ATXN7L1: variants seen among roughly 807,000 people sequenced by gnomAD.
ATXN7L1 encodes ataxin-7-like protein 1.
ATXN7L1 carries 15 observed loss-of-function variants against 70.8 expected under a neutral mutation model. The ratio of observed to expected loss-of-function variants is 0.21; its 90% confidence interval spans 0.14 to 0.33. ATXN7L1 has a LOEUF of 0.33. ATXN7L1 is among the 10% of genes least tolerant of loss of function. ATXN7L1 has a pLI of 1.00. For synonymous variants in ATXN7L1, 440 were observed against 445.1 expected (o/e 0.99, Z 0.14); for missense variants, 975 against 1,097.1 (o/e 0.89, Z 1.57).
chr7:105,639,403 T>C (rs796590558), intron 6 of ATXN7L1, 84 bp downstream of exon 6: 29 of 1,084,896 alleles, frequency 2.7e-5, no homozygotes, highest in African/African-American at 7.9e-5. Flanking sequence ...TTCCACACCC[T>C]GCCGTGTGCA....
chr7:105,765,714 T>A (rs972926509), intron 3 of ATXN7L1, among the ~76,000 whole-genome samples: 2 of 152,222 alleles, frequency 1.3e-5, no homozygotes, highest in Non-Finnish European at 2.9e-5. Flanking sequence ...ATGCTAGATT[T>A]CTCCTTCAAT....
At chr7:105,875,633 C>CCCT (rs1554490238) in intron 2 of ATXN7L1, among the ~76,000 whole-genome samples, 179 bp downstream of exon 2, 1 of 124,384 alleles carries the variant, frequency 8.0e-6, no homozygotes, top group Non-Finnish European at 1.7e-5. Context: ...CTTTACCCCC[C>CCCT]CCCCAGTTGT....
intron 4 of ATXN7L1, among the ~76,000 whole-genome samples, chr7:105,663,388 C>T (rs1802016896): frequency 6.6e-6 from 1 of 152,228 alleles, no homozygotes; most frequent in African/African-American, 2.4e-5. Context: ...ACATAATTAG[C>T]TCTTTACTAA....
intron 3 of ATXN7L1, among the ~76,000 whole-genome samples, chr7:105,706,889 A>G (rs1793245468): frequency 6.6e-6 from 1 of 152,234 alleles, no homozygotes; most frequent in African/African-American, 2.4e-5. Flanking sequence ...GGCATCAACC[A>G]AGAAATCTGC....
Position 105,610,127 on chromosome 7 carries a change from A to G in ATXN7L1, c.2547+402T>C, listed in dbSNP as rs992678396. The stretch of plus-strand genomic sequence containing the variant: ...ATTTTCACAATAGCCTTAGGAGGGA[A>G]GCATTAATTTTGCCTTTTAACGAAT... On this transcript the variant is annotated intron_variant, in intron 11 of 11. Transcript: ENST00000419735. Among the ~76,000 whole-genome samples the G allele has an allele frequency of 7.9e-5, 12 of 152,320 alleles. No individual in the cohort carries two copies. In the East Asian group the frequency reaches 2.1e-3, roughly 27 times the overall value.
At chr7:105,706,765 T>C (rs1793230296) in intron 3 of ATXN7L1, among the ~76,000 whole-genome samples, 1 of 152,200 alleles carries the variant, frequency 6.6e-6, no homozygotes. Flanking sequence ...AGCAGAGCTA[T>C]AGCTCGATCC....
intron 3 of ATXN7L1, among the ~76,000 whole-genome samples, chr7:105,707,740 TCCCAAAGGGGGAGAGGC>T (rs1793363815): frequency 6.6e-6 from 1 of 152,146 alleles, no homozygotes; most frequent in Non-Finnish European, 1.5e-5. Flanking sequence ...GGCATTTGTA[TCCCAAAGGGGGAGAGGC>T]TCTAAAACAA....
chr7:105,666,674 C>T (rs572003), intron 3 of ATXN7L1, among the ~76,000 whole-genome samples: 125,881 of 152,220 alleles, frequency 0.83, 52,382 homozygotes, highest in East Asian at 0.98. Flanking sequence ...TGCTGGGTTT[C>T]TTTGCTTGAC....
chr7:105,737,528 C>CGTGTGT (rs71520935), intron 3 of ATXN7L1, among the ~76,000 whole-genome samples: 1,849 of 148,640 alleles, frequency 0.012, 20 homozygotes, highest in South Asian at 0.029. Context: ...CTAACGTCCC[C>CGTGTGT]GTGTGTGTGT....
chr7:105,758,731 G>A (rs1800124291), intron 3 of ATXN7L1, among the ~76,000 whole-genome samples: 1 of 152,260 alleles, frequency 6.6e-6, no homozygotes, highest in Non-Finnish European at 1.5e-5. Context: ...ACTGCCCAGG[G>A]TAGAATGTGC....
intron 3 of ATXN7L1, among the ~76,000 whole-genome samples, chr7:105,704,278 C>T (rs903849026): frequency 1.3e-5 from 2 of 152,110 alleles, no homozygotes; most frequent in Non-Finnish European, 2.9e-5. Context: ...GAAGTGCCTG[C>T]CCACAGGAAA....
In ATXN7L1 at chr7:105,642,727, C is replaced by T. The variant is rs561380214; in HGVS notation, c.862+111G>A. 38 of 1,327,262 alleles carry T rather than the reference C, an allele frequency of 2.9e-5. 2 individuals are homozygous for T. The South Asian group carries it at 5.0e-4, about 17-fold the overall frequency. 82.2% of individuals were successfully genotyped at this position (1,327,262 alleles called of 1,614,324 possible). The stretch of plus-strand genomic sequence containing the variant: ...GTTTGCAGGTAAACTCTGCATCCCC[C>T]TTAAAATGAAACAGACCTGCTTAAT... On this transcript the variant is annotated intron_variant, in intron 5 of 11. Transcript: ENST00000419735.
At chr7:105,761,174 C>T (rs758287425) in intron 3 of ATXN7L1, 109 of 1,298,220 alleles carry the variant, frequency 8.4e-5, no homozygotes, top group Non-Finnish European at 1.1e-4. Flanking sequence ...AAGAGAAGAA[C>T]CCCACAGGTA....
intron 3 of ATXN7L1, among the ~76,000 whole-genome samples, chr7:105,733,845 TCCA>T (rs1797036020): frequency 1.4e-5 from 1 of 73,066 alleles, no homozygotes; most frequent in Non-Finnish European, 2.5e-5. Context: ...CGTCCACCCA[TCCA>T]TCCATCCATC....
chr7:105,706,360 A>T (rs1793165146), intron 3 of ATXN7L1, among the ~76,000 whole-genome samples: 2 of 151,706 alleles, frequency 1.3e-5, no homozygotes, highest in Non-Finnish European at 2.9e-5. Flanking sequence ...TGCCCAGCTA[A>T]TTTTTTTGTA....
chr7:105,682,002 A>C (rs568095010), intron 3 of ATXN7L1, among the ~76,000 whole-genome samples: 1 of 152,194 alleles, frequency 6.6e-6, no homozygotes, highest in South Asian at 2.1e-4. Context: ...AGGCAGGAGG[A>C]TCTTTTGAGT....
chr7:105,757,757 A>ATT (rs5886368), intron 3 of ATXN7L1, among the ~76,000 whole-genome samples: 2,459 of 144,148 alleles, frequency 0.017, 38 homozygotes, highest in Non-Finnish European at 0.028. Context: ...TAATTTTGAC[A>ATT]TTTTTTTTTT....
chr7:105,615,490 C>T (rs1395971914), intron 9 of ATXN7L1, among the ~76,000 whole-genome samples: 2 of 152,164 alleles, frequency 1.3e-5, no homozygotes, highest in African/African-American at 2.4e-5. Context: ...GTGGCTGGGC[C>T]GTGGAGGGTT....
At chr7:105,753,114 G>C (rs1268982912) in intron 3 of ATXN7L1, among the ~76,000 whole-genome samples, 2 of 152,242 alleles carry the variant, frequency 1.3e-5, no homozygotes, top group Admixed American at 1.3e-4. Flanking sequence ...CAGTGCTGCA[G>C]ACTCACAGGT....
Sources: gnomAD v4.1 joint callset for allele counts (sites outside exome capture counted in the v4.1 genomes callset) on GRCh38, gnomAD v4.1.1 for gene constraint, MANE v1.5 for transcripts, NCBI Gene and HGNC (gene_info 2026-07-23, HGNC 2026-07-21) for gene names.